Variants in SORCS1 observed in about 807,000 individuals in gnomAD.
SORCS1 encodes sortilin related VPS10 domain containing receptor 1.
A neutral mutation model predicts 146.1 loss-of-function variants in SORCS1; 60 were observed. The observed-to-expected ratio is 0.41, with a 90% CI of 0.33 to 0.51. SORCS1 has a LOEUF of 0.51. SORCS1 is among the 20% of genes least tolerant of loss of function. SORCS1 has a pLI of 0.21. For missense variants in SORCS1, 1,352 were observed against 1,487.6 expected (o/e 0.91, Z 1.50); for synonymous variants, 637 against 584.0 (o/e 1.09, Z -1.31).
At position 106,960,465 on chromosome 10, in the gene SORCS1, C is replaced by T. The variant is rs1363753016; in HGVS notation, c.559-3885G>A. ...CTGTCGCCAGGCTGGAGTGCAGTGG[C>T]GTGATCTCGGCTCACTGCAACCTCC... On this transcript the variant is annotated intron_variant, in intron 1 of 25. Coordinates refer to ENST00000263054, the MANE Select transcript of SORCS1 (RefSeq NM_052918.5). The surrounding 1 kb of genome is among the most constrained non-coding windows in gnomAD (Gnocchi z 4.4). 4.0e-5 allele frequency among the ~76,000 whole-genome samples: 6 copies of T among 151,178 alleles called. No homozygotes were observed. Among genetic ancestry groups the T allele is most frequent in the African/African-American group, 9.8e-5 (4 of 41,002 alleles).
intron 1 of SORCS1, among the ~76,000 whole-genome samples, chr10:107,081,209 C>G (rs988576308): frequency 6.6e-6 from 1 of 152,158 alleles, no homozygotes; most frequent in African/African-American, 2.4e-5. Context: ...AACTTTACAA[C>G]TCAATGGATA....
chr10:106,756,315 G>A (rs1858635293), intron 5 of SORCS1, among the ~76,000 whole-genome samples: 2 of 152,102 alleles, frequency 1.3e-5, no homozygotes, highest in African/African-American at 4.8e-5. Context: ...TAGGCACAAG[G>A]CATGTAACCA....
intron 5 of SORCS1, among the ~76,000 whole-genome samples, chr10:106,744,594 A>C (rs763789631): frequency 1.3e-5 from 2 of 152,226 alleles, no homozygotes; most frequent in African/African-American, 2.4e-5. Flanking sequence ...TATTTACCTT[A>C]TGACTATACC....
intron 3 of SORCS1, among the ~76,000 whole-genome samples, chr10:106,800,256 C>A (rs915095265): frequency 1.3e-4 from 20 of 152,052 alleles, no homozygotes; most frequent in Non-Finnish European, 5.9e-5. Context: ...GTAGGACTCA[C>A]CCACCAAGGA....
chr10:106,764,710 T>C (rs1859417715), intron 4 of SORCS1, among the ~76,000 whole-genome samples: 1 of 152,128 alleles, frequency 6.6e-6, no homozygotes, highest in South Asian at 2.1e-4. Flanking sequence ...CCTCTACTAG[T>C]GCCGTGTCAT....
chr10:106,749,649 T>G (rs1857999600), intron 5 of SORCS1, among the ~76,000 whole-genome samples: 1 of 152,220 alleles, frequency 6.6e-6, no homozygotes. Flanking sequence ...GTAAAATACA[T>G]GCACACATTA....
intron 1 of SORCS1, among the ~76,000 whole-genome samples, chr10:106,976,481 G>A (rs1392383719): frequency 2.6e-5 from 4 of 151,730 alleles, no homozygotes; most frequent in African/African-American, 4.8e-5. Context: ...ACAGAAGCCC[G>A]CCACCACACC....
At chr10:106,933,124 T>C (rs551798573) in intron 2 of SORCS1, among the ~76,000 whole-genome samples, 2 of 152,268 alleles carry the variant, frequency 1.3e-5, no homozygotes, top group South Asian at 2.1e-4. Flanking sequence ...CCATGACAAA[T>C]GGCAAGATGG....
chr10:106,864,935 G>C (rs370251741), intron 2 of SORCS1, among the ~76,000 whole-genome samples: 1 of 149,594 alleles, frequency 6.7e-6, no homozygotes, highest in East Asian at 2.0e-4. Flanking sequence ...CCCAAACCAG[G>C]GTCTCCAGCC....
chr10:106,830,142 T>C (rs943138403), intron 2 of SORCS1, among the ~76,000 whole-genome samples: 3 of 152,204 alleles, frequency 2.0e-5, no homozygotes, highest in Non-Finnish European at 2.9e-5. Flanking sequence ...AGTCTTTTCT[T>C]ATTATTTAAG....
chr10:106,751,088 A>T (rs2136183849), intron 5 of SORCS1, among the ~76,000 whole-genome samples: 1 of 142,066 alleles, frequency 7.0e-6, no homozygotes, highest in East Asian at 2.2e-4. Context: ...AAAAAAAAAA[A>T]AAAAAATGCG....
At chr10:106,975,418 G>A (rs1033307435) in intron 1 of SORCS1, among the ~76,000 whole-genome samples, 4 of 152,180 alleles carry the variant, frequency 2.6e-5, no homozygotes, top group East Asian at 1.9e-4. Context: ...GCATTTTATC[G>A]GGCTCAGAGA....
At chr10:106,905,207 G>A (rs1381855151) in intron 2 of SORCS1, among the ~76,000 whole-genome samples, 1 of 152,040 alleles carries the variant, frequency 6.6e-6, no homozygotes, top group East Asian at 1.9e-4. Flanking sequence ...AAATCCAAGA[G>A]TTGTTTCTTA....
At chr10:107,065,494 T>TCTCCG (rs1289203179) in intron 1 of SORCS1, among the ~76,000 whole-genome samples, 2 of 77,804 alleles carry the variant, frequency 2.6e-5, no homozygotes, top group Non-Finnish European at 4.9e-5. Flanking sequence ...TCTCCTCTCC[T>TCTCCG]CTCCTCTCCT....
chr10:106,730,715 C>T (rs1488042630), intron 5 of SORCS1, among the ~76,000 whole-genome samples: 1 of 152,030 alleles, frequency 6.6e-6, no homozygotes, highest in African/African-American at 2.4e-5. Flanking sequence ...ATTTAAAATG[C>T]CTTGGAGACA....
chr10:107,093,939 C>G (rs1444493390), intron 1 of SORCS1, among the ~76,000 whole-genome samples: 1 of 152,106 alleles, frequency 6.6e-6, no homozygotes, highest in Non-Finnish European at 1.5e-5. Flanking sequence ...CTCACCATTC[C>G]TATGCCTGGA....
intron 1 of SORCS1, among the ~76,000 whole-genome samples, chr10:106,968,072 T>C (rs942556769): frequency 1.9e-4 from 28 of 145,446 alleles, no homozygotes; most frequent in African/African-American, 6.9e-4. Flanking sequence ...TAGCTGGGCG[T>C]GGTGGCGGGT....
At chr10:107,058,722 TG>T (rs1183186858) in intron 1 of SORCS1, among the ~76,000 whole-genome samples, 3 of 152,206 alleles carry the variant, frequency 2.0e-5, no homozygotes, top group African/African-American at 7.2e-5. Context: ...GAACTGTGCC[TG>T]TCACATGGAA....
chr10:106,923,254 T>C (rs564930568), intron 2 of SORCS1, among the ~76,000 whole-genome samples: 30 of 152,236 alleles, frequency 2.0e-4, no homozygotes, highest in Non-Finnish European at 4.1e-4. Flanking sequence ...TTTGGAGTCA[T>C]AGATAATGCA....
Sources: allele counts gnomAD v4.1 joint callset (sites outside exome capture counted in the v4.1 genomes callset), GRCh38; gene constraint gnomAD v4.1.1; non-coding constraint Gnocchi (gnomAD v3.1); transcripts MANE v1.5; gene names NCBI Gene and HGNC (gene_info 2026-07-23, HGNC 2026-07-21).